Variants in LYPLAL1 observed in about 807,000 individuals in gnomAD.
The protein encoded by LYPLAL1 is lysophospholipase-like protein 1.
LYPLAL1 carries 23 observed loss-of-function variants against 19.7 expected under a neutral mutation model. The ratio of observed to expected loss-of-function variants is 1.17; its 90% confidence interval spans 0.84 to 1.65. The LOEUF is 1.65. LYPLAL1 is among the 40% of genes most tolerant of loss of function. The probability of loss-of-function intolerance (pLI) is 0.00; values close to 1 mark genes in which losing one functional copy is unlikely to be tolerated. For missense variants in LYPLAL1, 355 were observed against 279.4 expected (o/e 1.27, Z -1.93); for synonymous variants, 119 against 96.3 (o/e 1.24, Z -1.38).
the LYPLAL1 span, among the ~76,000 whole-genome samples, chr1:219,362,274 T>C: frequency 1.3e-5 from 2 of 152,288 alleles, no homozygotes; most frequent in Admixed American, 1.3e-4. Flanking sequence ...CTATGATTTC[T>C]GCCATTTACT....
At chr1:219,439,181 C>T in the LYPLAL1 span, among the ~76,000 whole-genome samples, 1 of 152,166 alleles carries the variant, frequency 6.6e-6, no homozygotes, top group East Asian at 1.9e-4. Context: ...CAGATTGGGC[C>T]TCACTGCTTC....
At chr1:219,311,648 A>C in the LYPLAL1 span, among the ~76,000 whole-genome samples, 3 of 152,130 alleles carry the variant, frequency 2.0e-5, no homozygotes, top group Non-Finnish European at 2.9e-5. Flanking sequence ...ATTTTAAACA[A>C]GATAAAAGGC....
chr1:219,238,121 AC>A, the LYPLAL1 span, among the ~76,000 whole-genome samples: 3 of 97,948 alleles, frequency 3.1e-5, no homozygotes, highest in Non-Finnish European at 4.3e-5. Context: ...GTGGATCTAA[AC>A]TTTTTTTTTT....
At chr1:219,210,089 T>A (rs751543588) in intron 3 of LYPLAL1, among the ~76,000 whole-genome samples, 1 of 152,130 alleles carries the variant, frequency 6.6e-6, no homozygotes, top group African/African-American at 2.4e-5. Flanking sequence ...GCATCTATTA[T>A]ATAGCAAACA....
At chr1:219,259,940 ACT>A in the LYPLAL1 span, among the ~76,000 whole-genome samples, 70,406 of 151,534 alleles carry the variant, frequency 0.46, 16,711 homozygotes, top group East Asian at 0.65. Context: ...TTAAACCAAC[ACT>A]CATAACTTTT....
At chr1:219,200,874 G>A (rs1407459734) in intron 3 of LYPLAL1, among the ~76,000 whole-genome samples, 1 of 152,214 alleles carries the variant, frequency 6.6e-6, no homozygotes, top group East Asian at 1.9e-4. Flanking sequence ...TTGCCTCCTG[G>A]TACAAGGAAG....
At chr1:219,184,153 GC>G (rs1314484612) in intron 2 of LYPLAL1, among the ~76,000 whole-genome samples, 1 of 151,802 alleles carries the variant, frequency 6.6e-6, no homozygotes, top group Non-Finnish European at 1.5e-5. Context: ...GAAAATAGAT[GC>G]CTTCTAATAC....
At chr1:219,376,753 C>G in the LYPLAL1 span, among the ~76,000 whole-genome samples, 1 of 152,078 alleles carries the variant, frequency 6.6e-6, no homozygotes, top group Non-Finnish European at 1.5e-5. Context: ...AAATCAAAAC[C>G]ACAATGAGAT....
the LYPLAL1 span, among the ~76,000 whole-genome samples, chr1:219,356,878 A>G: frequency 1.3e-5 from 2 of 152,180 alleles, no homozygotes; most frequent in Admixed American, 1.3e-4. Flanking sequence ...GCAGGAACAT[A>G]TATTTGTCAT....
the LYPLAL1 span, among the ~76,000 whole-genome samples, chr1:219,339,747 T>A: frequency 1.3e-5 from 2 of 151,990 alleles, no homozygotes; most frequent in Non-Finnish European, 2.9e-5. Flanking sequence ...ATTTGATGAG[T>A]TGGAATAAAT....
At chr1:219,391,571 T>A in the LYPLAL1 span, among the ~76,000 whole-genome samples, 1 of 142,528 alleles carries the variant, frequency 7.0e-6, no homozygotes, top group East Asian at 2.0e-4. Context: ...ACATTTAGCT[T>A]GAAAAAAAAA....
the LYPLAL1 span, among the ~76,000 whole-genome samples, chr1:219,274,006 C>T: frequency 2.6e-4 from 40 of 152,258 alleles, no homozygotes; most frequent in Middle Eastern, 3.4e-3. Context: ...GTGATCCACC[C>T]GCCTCAGCCT....
the LYPLAL1 span, among the ~76,000 whole-genome samples, chr1:219,419,168 C>G: frequency 8.8e-3 from 1,344 of 152,266 alleles, 14 homozygotes; most frequent in Middle Eastern, 0.024. Flanking sequence ...GGGTAAGTAT[C>G]AAGAAGAGTG....
the LYPLAL1 span, among the ~76,000 whole-genome samples, chr1:219,275,291 G>A: frequency 6.6e-6 from 1 of 152,124 alleles, no homozygotes; most frequent in African/African-American, 2.4e-5. Flanking sequence ...CTTGTGTACC[G>A]CCTAATAATT....
chr1:219,335,812 A>G, the LYPLAL1 span, among the ~76,000 whole-genome samples: 1 of 151,810 alleles, frequency 6.6e-6, no homozygotes, highest in Non-Finnish European at 1.5e-5. Flanking sequence ...GATATCACAA[A>G]GCTTATGAGA....
the LYPLAL1 span, among the ~76,000 whole-genome samples, chr1:219,284,381 A>T: frequency 2.0e-5 from 3 of 152,214 alleles, no homozygotes; most frequent in South Asian, 6.2e-4. Flanking sequence ...CAGAAGAATG[A>T]ATAATAAGTA....
intron 2 of LYPLAL1, among the ~76,000 whole-genome samples, chr1:219,191,726 CAA>C (rs1159332813): frequency 4.6e-5 from 7 of 151,228 alleles, no homozygotes; most frequent in Non-Finnish European, 8.9e-5. Context: ...AACATCTAAA[CAA>C]TGTATATATA....
chr1:219,244,097 A>T, the LYPLAL1 span, among the ~76,000 whole-genome samples: 1 of 152,108 alleles, frequency 6.6e-6, no homozygotes, highest in Non-Finnish European at 1.5e-5. Flanking sequence ...AAAACTATCG[A>T]TTTGAGCCTT....
chr1:219,298,525 C>T, the LYPLAL1 span, among the ~76,000 whole-genome samples: 1 of 152,128 alleles, frequency 6.6e-6, no homozygotes, highest in Non-Finnish European at 1.5e-5. Context: ...AGTTACTGAA[C>T]CTCTCTCTCC....
Sources: gnomAD v4.1 joint callset for allele counts (sites outside exome capture counted in the v4.1 genomes callset) on GRCh38, gnomAD v4.1.1 for gene constraint, MANE v1.5 for transcripts, NCBI Gene and HGNC (gene_info 2026-07-23, HGNC 2026-07-21) for gene names.